The following PCGF5 variants were observed in gnomAD, a reference collection of about 807,000 sequenced individuals.
PCGF5 encodes the protein polycomb group ring finger 5.
A neutral mutation model predicts 44.3 loss-of-function variants in PCGF5; 9 were observed. The ratio of observed to expected loss-of-function variants is 0.20; its 90% CI spans 0.12 to 0.35. PCGF5 has a LOEUF of 0.35. Ranked by LOEUF, PCGF5 falls within the 10% of genes least tolerant of loss-of-function variation. The pLI is 1.00. For missense variants in PCGF5, 146 were observed against 305.3 expected (o/e 0.48, Z 3.89); for synonymous variants, 95 against 102.5 (o/e 0.93, Z 0.44).
chr10:91,212,671 C>T (rs10509623), intron 1 of PCGF5, among the ~76,000 whole-genome samples: 17,200 of 152,084 alleles, frequency 0.11, 2,735 homozygotes, highest in African/African-American at 0.36. Flanking sequence ...TAACGCATGC[C>T]CACTAATTCT....
At chr10:91,164,246 G>A (rs1379713962) in intron 1 of PCGF5, among the ~76,000 whole-genome samples, 1 of 151,526 alleles carries the variant, frequency 6.6e-6, no homozygotes, top group Admixed American at 6.6e-5. Context: ...AATAACTTGT[G>A]GGGGGGTCAG....
At chr10:91,250,901 CTTAT>C (rs1754514865) in intron 5 of PCGF5, among the ~76,000 whole-genome samples, 1 of 110,996 alleles carries the variant, frequency 9.0e-6, no homozygotes, top group African/African-American at 5.7e-5. Context: ...TGAATATATA[CTTAT>C]TTATAAACGA....
chr10:91,174,032 C>T (rs1045126783), intron 1 of PCGF5, among the ~76,000 whole-genome samples: 5 of 151,646 alleles, frequency 3.3e-5, no homozygotes, highest in African/African-American at 1.2e-4. Flanking sequence ...ACCTTTGGGC[C>T]ACTGCATTTT....
intron 6 of PCGF5, among the ~76,000 whole-genome samples, chr10:91,256,367 G>A (rs867591302): frequency 1.8e-4 from 28 of 152,080 alleles, no homozygotes; most frequent in Middle Eastern, 6.8e-3. Context: ...TAAAATTGAA[G>A]TTAAATGAAT....
At chr10:91,177,345 C>T (rs879581377) in intron 1 of PCGF5, among the ~76,000 whole-genome samples, 10 of 152,214 alleles carry the variant, frequency 6.6e-5, no homozygotes, top group Non-Finnish European at 1.3e-4. Context: ...TTAGGCTACT[C>T]GGGGGTCAGG....
intron 1 of PCGF5, among the ~76,000 whole-genome samples, chr10:91,192,740 A>G (rs1227205219): frequency 6.6e-6 from 1 of 152,176 alleles, no homozygotes; most frequent in Non-Finnish European, 1.5e-5. Flanking sequence ...CAGTGGTGGA[A>G]AAATTTTAAA....
Position 91,261,405 on chromosome 10 carries a change from A to G in PCGF5, c.554A>G (p.Lys185Arg), listed in dbSNP as rs1283379493. ...TIKKFLSLKL[K>R]LPSSYELDVL... The stretch of plus-strand genomic sequence containing the variant: ...AAAAAATTTCTAAGTTTAAAACTAA[A>G]ACTTCCAAGTTCTTATGAGGTAAGT... Residue 185 changes from lysine (K) to arginine (R), a missense_variant, in exon 7 of 10, where the codon AAA becomes AGA. By Grantham distance (26) the Lys-to-Arg change is conservative (BLOSUM62 2). Transcript: ENST00000336126. 1.4e-6 allele frequency: 2 copies of G among 1,481,172 alleles called. No individual in the cohort carries two copies. Among genetic ancestry groups the G allele is most frequent in the African/African-American group, 2.8e-5 (2 of 72,576 alleles). 91.8% of individuals were successfully genotyped at this position (1,481,172 alleles called of 1,614,324 possible). A position where few individuals can be genotyped will look rare whatever the true frequency, so the allele number is the denominator to read the frequency against.
At chr10:91,201,521 G>A (rs1287108471) in intron 1 of PCGF5, among the ~76,000 whole-genome samples, 2 of 152,064 alleles carry the variant, frequency 1.3e-5, no homozygotes, top group African/African-American at 4.8e-5. Flanking sequence ...AGCCCAATGT[G>A]TAAAAAAAAT....
chr10:91,282,743 A>G lies in PCGF5; in HGVS notation c.*4427A>G, dbSNP rs966589865. ...TAGGGTGAAAATGGATGCACACTCT[A>G]TTACATACTCTGGTTTATCATAAGG... is the stretch of plus-strand genomic sequence containing the variant. On this transcript the variant is annotated 3_prime_UTR_variant, in exon 10 of 10. Coordinates refer to ENST00000336126, the MANE Select transcript of PCGF5 (RefSeq NM_032373.5). The G allele has an allele frequency of 1.2e-4, 19 of 152,722 alleles. No individual in the cohort carries two copies. The highest frequency in any genetic ancestry group is 1.2e-3 in the Admixed American group (19 of 15,290). 9.5% of individuals were successfully genotyped at this position (152,722 alleles called of 1,614,324 possible). A position where few individuals can be genotyped will look rare whatever the true frequency, so the allele number is the denominator to read the frequency against.
intron 2 of PCGF5, chr10:91,228,082 A>G (rs1430392434): frequency 5.7e-6 from 2 of 352,816 alleles, no homozygotes; most frequent in Non-Finnish European, 7.9e-6. Context: ...CTACATAGGC[A>G]TCTTTGGGGT....
Position 91,278,391 on chromosome 10 carries a change from G to A in PCGF5, c.*75G>A. 2 of 1,320,946 alleles carry A rather than the reference G, an allele frequency of 1.5e-6. No individual in the cohort carries two copies. Among genetic ancestry groups the A allele is most frequent in the South Asian group, 1.2e-5 (1 of 84,304 alleles). The allele number at this position is 1,320,946 out of a possible 1,614,324, so 81.8% of individuals were successfully genotyped here. On this transcript the variant is annotated 3_prime_UTR_variant, in exon 10 of 10. Transcript: ENST00000336126. ...TCGTCAACAGATTGCACAGTTAACG[G>A]TGTGTGGACTAGAGGAACACAACCA...
At chr10:91,260,695 C>T (rs1304186840) in intron 6 of PCGF5, among the ~76,000 whole-genome samples, 1 of 151,336 alleles carries the variant, frequency 6.6e-6, no homozygotes, top group Non-Finnish European at 1.5e-5. Flanking sequence ...TCATTCTCAG[C>T]AAACTATCAC....
chr10:91,188,743 T>C (rs2133207756), intron 1 of PCGF5, among the ~76,000 whole-genome samples: 1 of 152,324 alleles, frequency 6.6e-6, no homozygotes, highest in Middle Eastern at 3.4e-3. Flanking sequence ...AGTAGGTCTT[T>C]GGCTCCTTGT....
chr10:91,223,499 G>A (rs1439025507), intron 2 of PCGF5, among the ~76,000 whole-genome samples: 1 of 152,214 alleles, frequency 6.6e-6, no homozygotes, highest in East Asian at 1.9e-4. Flanking sequence ...AGCCCTCCAG[G>A]TGATTCTGAA....
upstream of PCGF5, among the ~76,000 whole-genome samples, chr10:91,219,246 G>T (rs942970059): frequency 6.6e-6 from 1 of 152,046 alleles, no homozygotes; most frequent in Non-Finnish European, 1.5e-5. Flanking sequence ...CCTAAAACCC[G>T]CCTTCAAGCT....
chr10:91,185,441 C>T (rs1241537173), intron 1 of PCGF5, among the ~76,000 whole-genome samples: 2 of 152,190 alleles, frequency 1.3e-5, no homozygotes, highest in South Asian at 2.1e-4. Flanking sequence ...CACTGTTGTC[C>T]GTGCCTGGCT....
upstream of PCGF5, among the ~76,000 whole-genome samples, chr10:91,215,424 C>T (rs1844523237): frequency 1.3e-5 from 2 of 152,318 alleles, no homozygotes; most frequent in South Asian, 4.1e-4. Flanking sequence ...GGAGAATACC[C>T]ATCAGCAGCT....
intron 1 of PCGF5, among the ~76,000 whole-genome samples, chr10:91,169,536 A>T (rs765257694): frequency 1.3e-4 from 20 of 152,338 alleles, no homozygotes; most frequent in Admixed American, 3.9e-4. Context: ...TTACATTAGC[A>T]CCTCAGACAA....
chr10:91,228,561 A>G (rs1844912398), intron 2 of PCGF5, among the ~76,000 whole-genome samples: 1 of 152,216 alleles, frequency 6.6e-6, no homozygotes, highest in African/African-American at 2.4e-5. Context: ...AATTGATAAT[A>G]TAGTTGACGT....
Sources: gnomAD v4.1 joint callset for allele counts (sites outside exome capture counted in the v4.1 genomes callset) on GRCh38, gnomAD v4.1.1 for gene constraint, MANE v1.5 for transcripts, NCBI Gene and HGNC (gene_info 2026-07-23, HGNC 2026-07-21) for gene names.